ZNF679: variants seen among roughly 807,000 people sequenced by gnomAD.
ZNF679 encodes the protein zinc finger protein 679, also known as hypothetical protein MGC42415.
A neutral mutation model predicts 13.4 loss-of-function variants in ZNF679; 10 were observed. The observed-to-expected ratio is 0.75, with a 90% CI of 0.46 to 1.27. ZNF679 has a LOEUF of 1.27. Ranked by LOEUF, ZNF679 falls within the 50% of genes most tolerant of loss-of-function variation. ZNF679 has a pLI of 0.00. For missense variants in ZNF679, 525 were observed against 477.8 expected, an observed-to-expected ratio of 1.10 and a Z score of -0.92; for synonymous variants, 179 against 162.5, an observed-to-expected ratio of 1.10 and a Z score of -0.77.
At chr7:64,262,108 G>A (rs1015842300) in intron 4 of ZNF679, among the ~76,000 whole-genome samples, 11 of 152,006 alleles carry the variant, frequency 7.2e-5, no homozygotes, top group African/African-American at 1.2e-4. Flanking sequence ...TGCCCACCTC[G>A]GCCTGCCAAA....
Position 64,266,310 on chromosome 7 carries a change from C to T in ZNF679, c.677C>T (p.Thr226Ile). The T allele has an allele frequency of 6.2e-7, 1 of 1,610,928 alleles. No homozygotes were observed. Among genetic ancestry groups the T allele is most frequent in the Middle Eastern group, 1.7e-4 (1 of 6,052 alleles). The change falls in exon 5 of 5, where the codon ACC becomes ATC. Residue 226 changes from threonine to isoleucine, a missense_variant. Physicochemically the swap from Thr to Ile is moderately conservative, Grantham distance 89. Coordinates refer to ENST00000421025, the MANE Select transcript of ZNF679 (RefSeq NM_153363.3). ...GGCAAACCCTTCAACTGCTCTTCAA[C>T]CCTTTCTAAACATAAAAGAATTCAT... ...ECGKPFNCSS[T>I]LSKHKRIHTG...
chr7:64,233,994 C>T (rs571264729), intron 1 of ZNF679, among the ~76,000 whole-genome samples: 4 of 151,980 alleles, frequency 2.6e-5, no homozygotes, highest in African/African-American at 7.2e-5. Flanking sequence ...ATGCTCGGTG[C>T]TACTGGGAAG....
At chr7:64,255,563 A>T (rs373593179) in intron 2 of ZNF679, among the ~76,000 whole-genome samples, 8 of 152,092 alleles carry the variant, frequency 5.3e-5, no homozygotes, top group African/African-American at 1.9e-4. Context: ...TGTCTGTAGT[A>T]CAAACCAGTC....
In ZNF679 at chr7:64,266,258, G is replaced by A. The variant is rs753850179; in HGVS notation, c.625G>A (p.Glu209Lys). 6.9e-6 allele frequency: 11 copies of A among 1,587,152 alleles called. No individual in the cohort carries two copies. Among genetic ancestry groups the A allele is most frequent in the Non-Finnish European group, 9.4e-6 (11 of 1,165,620 alleles). The part of the protein sequence containing the change: ...LHQHQIIHTR[E>K]NSYQCEECGK... ...TCAACATCAGATAATTCATACTAGGGAGAATTCCTACCAATGTGAAGAATG... is the reference window on the plus strand; with the variant it reads ...TCAACATCAGATAATTCATACTAGGAAGAATTCCTACCAATGTGAAGAATG... Residue 209 changes from glutamate to lysine, a missense_variant, in exon 5 of 5, where the codon GAG becomes AAG. Coordinates refer to ENST00000421025, the MANE Select transcript of ZNF679 (RefSeq NM_153363.3).
At chr7:64,245,095 G>A (rs952557717) in intron 1 of ZNF679, among the ~76,000 whole-genome samples, 87 of 152,110 alleles carry the variant, frequency 5.7e-4, no homozygotes, top group African/African-American at 2.0e-3. Flanking sequence ...GTGCCATCTC[G>A]GCTTACTGCA....
At chr7:64,234,606 C>T (rs147622068) in intron 1 of ZNF679, among the ~76,000 whole-genome samples, 1 of 152,250 alleles carries the variant, frequency 6.6e-6, no homozygotes, top group African/African-American at 2.4e-5. Flanking sequence ...TAGATGAGAG[C>T]CCAGCCTGGT....
chr7:64,254,729 G>A (rs1460502897), intron 2 of ZNF679, among the ~76,000 whole-genome samples: 1 of 152,008 alleles, frequency 6.6e-6, no homozygotes, highest in Non-Finnish European at 1.5e-5. Flanking sequence ...CTGAATTATG[G>A]TCTGTGCTGA....
chr7:64,250,587 T>C (rs958137905), intron 2 of ZNF679, among the ~76,000 whole-genome samples: 3 of 151,692 alleles, frequency 2.0e-5, no homozygotes, highest in South Asian at 2.1e-4. Context: ...TTCAACTGTG[T>C]CTTTTTTTTT....
intron 1 of ZNF679, among the ~76,000 whole-genome samples, chr7:64,242,559 T>C (rs183093900): frequency 6.6e-6 from 1 of 152,280 alleles, no homozygotes; most frequent in Non-Finnish European, 1.5e-5. Context: ...AATCCACATG[T>C]GACAGGCATG....
In ZNF679 at chr7:64,260,248, A is replaced by G. The variant is rs755109396; in HGVS notation, c.67A>G (p.Ile23Val). Reference protein sequence around the residue: ...MGLLTFRDVVIEFSLEEWQCL... With the variant: ...MGLLTFRDVVVEFSLEEWQCL... ...ACTGTTGACATTCAGAGATGTAGTC[A>G]TAGAATTCTCTCTGGAGGAGTGGCA... The change falls in exon 3 of 5, where the codon ATA (isoleucine) becomes GTA (valine). Residue 23 changes from isoleucine (I) to valine (V), a missense_variant. Coordinates refer to ENST00000421025, the MANE Select transcript of ZNF679 (RefSeq NM_153363.3). 5.6e-6 allele frequency: 9 copies of G among 1,609,726 alleles called. No individual in the cohort carries two copies. Among genetic ancestry groups the G allele is most frequent in the Admixed American group, 1.7e-5 (1 of 58,478 alleles).
At chr7:64,231,532 C>G (rs1327315624) in intron 1 of ZNF679, among the ~76,000 whole-genome samples, 1 of 152,132 alleles carries the variant, frequency 6.6e-6, no homozygotes, top group Non-Finnish European at 1.5e-5. Context: ...GGCCAGGGAG[C>G]AGAGTCATGT....
chr7:64,265,803 A>G, intron 4 of ZNF679, 93 bp from the exon 5 acceptor site: 2 of 1,419,706 alleles, frequency 1.4e-6, no homozygotes, highest in South Asian at 1.5e-5. Context: ...CCATTTTGCT[A>G]AAGTACCTTG....
chr7:64,240,158 G>A (rs909962214), intron 1 of ZNF679, among the ~76,000 whole-genome samples: 7 of 152,084 alleles, frequency 4.6e-5, no homozygotes, highest in African/African-American at 1.7e-4. Context: ...TCCTGAATGG[G>A]CCCTGCTCTC....
At chr7:64,252,233 G>A (rs1787952893) in intron 2 of ZNF679, among the ~76,000 whole-genome samples, 2 of 152,124 alleles carry the variant, frequency 1.3e-5, no homozygotes, top group South Asian at 4.1e-4. Context: ...AGTCAGACGT[G>A]TCTGTGTTCC....
rs943607883 is a variant in ZNF679 at position 64,252,956 on chromosome 7, G to C, written c.39+3800G>C. 3.3e-5 allele frequency among the ~76,000 whole-genome samples: 5 copies of C among 152,190 alleles called. No individual in the cohort carries two copies. The East Asian group carries it at 7.7e-4, about 23-fold the overall frequency. ...TGGTCTCGAACTCCTGACCTCAGGT[G>C]ATCCAGCCACCTGGGCCTCTCCAAA... On this transcript the variant is annotated intron_variant, in intron 2 of 4. Coordinates refer to ENST00000421025, the MANE Select transcript of ZNF679 (RefSeq NM_153363.3).
chr7:64,232,523 G>A, intron 1 of ZNF679, among the ~76,000 whole-genome samples: 1 of 152,224 alleles, frequency 6.6e-6, no homozygotes, highest in Non-Finnish European at 1.5e-5. Context: ...CCAGGTAGGT[G>A]AGTCACGTTA....
At position 64,254,524 on chromosome 7, in the gene ZNF679, T is replaced by C. The variant is rs1034559660; in HGVS notation, c.39+5368T>C. On this transcript the variant is annotated intron_variant, in intron 2 of 4. Transcript: ENST00000421025. Reference sequence around the variant, plus strand: ...TCTTTTCCATTTCACTGTTTCTTGGTTGCATGTTTTATAGTAAACTGGCTA... The same window carrying C: ...TCTTTTCCATTTCACTGTTTCTTGGCTGCATGTTTTATAGTAAACTGGCTA... Among the ~76,000 whole-genome samples the C allele has an allele frequency of 2.0e-5, 3 of 152,132 alleles. 1 individual carries two copies. Among genetic ancestry groups the C allele is most frequent in the Non-Finnish European group, 4.4e-5 (3 of 68,026 alleles).
chr7:64,244,423 G>A (rs189464424), intron 1 of ZNF679, among the ~76,000 whole-genome samples: 143 of 152,082 alleles, frequency 9.4e-4, no homozygotes, highest in Non-Finnish European at 1.0e-4. Flanking sequence ...TTATATTTTT[G>A]TTTGTTTTGT....
intron 4 of ZNF679, 67 bp downstream of exon 4, chr7:64,260,996 C>T (rs1788069754): frequency 2.0e-6 from 3 of 1,469,366 alleles, no homozygotes; most frequent in Non-Finnish European, 2.8e-6. Flanking sequence ...GAAGCCAGTC[C>T]TTAAAATGTG....
Sources: allele counts gnomAD v4.1 joint callset (sites outside exome capture counted in the v4.1 genomes callset), GRCh38; gene constraint gnomAD v4.1.1; transcripts MANE v1.5; gene names NCBI Gene and HGNC (gene_info 2026-07-23, HGNC 2026-07-21).